Variants in STAU2 observed in about 807,000 individuals in gnomAD.
STAU2 encodes the protein double-stranded RNA-binding protein Staufen homolog 2.
STAU2 carries 20 observed loss-of-function variants against 65.9 expected under a neutral mutation model. That is an observed-to-expected ratio of 0.30 (90% CI 0.21 to 0.44). The LOEUF (loss-of-function observed/expected upper bound fraction) is 0.44. STAU2 is among the 20% of genes least tolerant of loss of function. The pLI, the probability that STAU2 is intolerant of heterozygous loss-of-function variation, is 1.00. For synonymous variants in STAU2, 232 were observed against 233.9 expected, an observed-to-expected ratio of 0.99 and a Z score of 0.07; for missense variants, 558 against 683.9, an observed-to-expected ratio of 0.82 and a Z score of 2.05.
intron 6 of STAU2, among the ~76,000 whole-genome samples, chr8:73,671,779 T>G (rs572284242): frequency 6.6e-6 from 1 of 152,328 alleles, no homozygotes; most frequent in Admixed American, 6.5e-5. Context: ...TCCCAGCACT[T>G]TGGGAGGCCG....
At chr8:73,583,235 C>T (rs935713802) in intron 11 of STAU2, among the ~76,000 whole-genome samples, 5 of 151,766 alleles carry the variant, frequency 3.3e-5, no homozygotes, top group South Asian at 2.1e-4. Context: ...CAACCTCCAC[C>T]TCCTAGATTC....
intron 5 of STAU2, among the ~76,000 whole-genome samples, chr8:73,683,768 A>AT (rs1325658118): frequency 2.6e-5 from 4 of 152,206 alleles, no homozygotes; most frequent in African/African-American, 9.7e-5. Flanking sequence ...AAGTTTCAAG[A>AT]TACAAAATAA....
chr8:73,538,592 C>G (rs994722362), intron 13 of STAU2, among the ~76,000 whole-genome samples: 2 of 149,658 alleles, frequency 1.3e-5, no homozygotes, highest in African/African-American at 4.9e-5. Context: ...GAAAAAATTT[C>G]TAGTATAAAG....
At position 73,617,310 on chromosome 8, in the gene STAU2, A is replaced by T. The variant is rs1812901811; in HGVS notation, c.552T>A (p.Ile184=). Residue 184 remains isoleucine, a synonymous_variant, in exon 7 of 15, where the codon ATT becomes ATA. Coordinates refer to ENST00000524300, the MANE Select transcript of STAU2 (RefSeq NM_001164380.2). ...KALQALQNEP[I]PERSPQNGES... ...ACCACACCTGAGGAGATCTTTCTGG[A>T]ATAGGTTCATTCTGCAGTGCTTGGA... The T allele has an allele frequency of 6.2e-7, 1 of 1,614,058 alleles. No homozygotes were observed. Among genetic ancestry groups the T allele is most frequent in the Non-Finnish European group, 8.5e-7 (1 of 1,179,962 alleles).
intron 11 of STAU2, among the ~76,000 whole-genome samples, chr8:73,585,395 G>T (rs7839888): frequency 2.0e-5 from 3 of 152,218 alleles, no homozygotes; most frequent in Non-Finnish European, 2.9e-5. Flanking sequence ...CAGGAGAATC[G>T]CTTGAACCCG....
chr8:73,607,972 G>C (rs1812151793), intron 9 of STAU2, among the ~76,000 whole-genome samples: 1 of 152,148 alleles, frequency 6.6e-6, no homozygotes, highest in Non-Finnish European at 1.5e-5. Flanking sequence ...CCACTATGCA[G>C]TCTTAGCTCT....
chr8:73,504,031 A>G (rs1821907399), intron 13 of STAU2, among the ~76,000 whole-genome samples: 1 of 152,122 alleles, frequency 6.6e-6, no homozygotes, highest in Non-Finnish European at 1.5e-5. Flanking sequence ...ATTAAAATGA[A>G]AGTGGACCAT....
intron 6 of STAU2, chr8:73,669,071 T>C (rs1294256231): frequency 4.3e-6 from 3 of 702,320 alleles, no homozygotes; most frequent in African/African-American, 3.5e-5. Flanking sequence ...CCTTGGATCT[T>C]TGGCTCCAGA....
chr8:73,464,404 GAGAAGCGCTGTTACACTTCTATGA>G, intron 13 of STAU2, among the ~76,000 whole-genome samples: 2 of 152,142 alleles, frequency 1.3e-5, no homozygotes, highest in Non-Finnish European at 2.9e-5. Context: ...CAAGCTTTCT[GAGAAGCGCTGTTACACTTCTATGA>G]AGAGACTCCA....
intron 3 of STAU2, among the ~76,000 whole-genome samples, chr8:73,725,885 A>G (rs1324056029): frequency 6.6e-6 from 1 of 152,174 alleles, no homozygotes; most frequent in Non-Finnish European, 1.5e-5. Flanking sequence ...GTGAGCCATC[A>G]TCGTGCCACT....
chr8:73,426,002 A>G (rs983281611), intron 13 of STAU2, among the ~76,000 whole-genome samples: 5 of 152,184 alleles, frequency 3.3e-5, no homozygotes, highest in Admixed American at 3.3e-4. Context: ...CATGTTGGCC[A>G]GGCTGGTCTT....
At chr8:73,708,320 T>C (rs951920004) in intron 4 of STAU2, among the ~76,000 whole-genome samples, 10 of 152,198 alleles carry the variant, frequency 6.6e-5, no homozygotes, top group South Asian at 2.1e-4. Flanking sequence ...ATGATCATTA[T>C]GATAATCTCC....
intron 13 of STAU2, among the ~76,000 whole-genome samples, chr8:73,544,483 GCCT>G (rs1052685474): frequency 1.3e-5 from 2 of 152,128 alleles, no homozygotes; most frequent in South Asian, 2.1e-4. Flanking sequence ...ATTTTTTTCA[GCCT>G]CCTCACTAGC....
At chr8:73,544,440 TA>T (rs922454208) in intron 13 of STAU2, among the ~76,000 whole-genome samples, 2 of 152,188 alleles carry the variant, frequency 1.3e-5, no homozygotes, top group Non-Finnish European at 2.9e-5. Flanking sequence ...GTCTAATGGC[TA>T]AAAAAATTCT....
intron 3 of STAU2, among the ~76,000 whole-genome samples, chr8:73,718,805 A>T (rs572991001): frequency 2.4e-4 from 36 of 152,282 alleles, no homozygotes; most frequent in South Asian, 8.3e-4. Flanking sequence ...GCTTTTGAAA[A>T]TGCTACTCTT....
chr8:73,673,337 G>T (rs1418793255), intron 5 of STAU2, 95 bp from the exon 6 acceptor site: 5 of 1,247,296 alleles, frequency 4.0e-6, no homozygotes, highest in Non-Finnish European at 4.2e-6. Flanking sequence ...TACCATGGAA[G>T]AAGGTAAGAA....
Position 73,597,169 on chromosome 8 carries a change from G to A in STAU2, c.1030-1872C>T, listed in dbSNP as rs188380390. Among the ~76,000 whole-genome samples, 358 of 152,072 alleles carry A rather than the reference G, an allele frequency of 2.4e-3. 1 individual carries two copies. Among genetic ancestry groups the A allele is most frequent in the African/African-American group, 8.2e-3 (341 of 41,498 alleles). On this transcript the variant is annotated intron_variant, in intron 10 of 14. Transcript: ENST00000524300. The stretch of plus-strand genomic sequence containing the variant: ...AACAAAGTACAATAAAGTTAGAAAA[G>A]CCAAAAGTTGGTTCTCTAATAAGAC...
intron 4 of STAU2, 38 bp from the exon 5 acceptor site, chr8:73,688,851 C>A: frequency 6.3e-7 from 1 of 1,591,128 alleles, no homozygotes; most frequent in Non-Finnish European, 8.6e-7. Context: ...AACATTAAGA[C>A]TTTTCCAAGA....
chr8:73,449,492 A>C (rs1476153850), intron 13 of STAU2, among the ~76,000 whole-genome samples: 1 of 152,182 alleles, frequency 6.6e-6, no homozygotes, highest in Non-Finnish European at 1.5e-5. Flanking sequence ...ATTCTGAGGT[A>C]CTGGGGGTTA....
Sources: gnomAD v4.1 joint callset for allele counts (sites outside exome capture counted in the v4.1 genomes callset) on GRCh38, gnomAD v4.1.1 for gene constraint, MANE v1.5 for transcripts, NCBI Gene and HGNC (gene_info 2026-07-23, HGNC 2026-07-21) for gene names.